Variants in TRAPPC2 observed in about 807,000 individuals in gnomAD.
The protein encoded by TRAPPC2 is trafficking protein particle complex subunit 2.
A neutral mutation model predicts 10.0 loss-of-function variants in TRAPPC2; 4 were observed. That is an observed-to-expected ratio of 0.40 (90% CI 0.20 to 0.92). TRAPPC2 has a LOEUF of 0.92. TRAPPC2 is among the 40% of genes least tolerant of loss of function. The pLI is 0.35. For missense variants in TRAPPC2, 52 were observed against 108.7 expected (o/e 0.48, Z 2.32); for synonymous variants, 36 against 37.3 (o/e 0.97, Z 0.12).
intron 2 of TRAPPC2, among the ~76,000 whole-genome samples, chrX:13,729,906 C>G (rs1330120156): frequency 1.8e-5 from 2 of 110,852 alleles, no homozygotes; most frequent in Non-Finnish European, 3.8e-5. Context: ...GAAACTTCGT[C>G]TCAAAAAACA....
At position 13,716,398 on chromosome X, in the gene TRAPPC2, G is replaced by T; in HGVS notation, c.238+136C>A. The T allele has an allele frequency of 1.0e-5, 8 of 785,539 alleles. 1 individual carries two copies. In the South Asian group the frequency reaches 1.8e-4, roughly 17 times the overall value. 64.7% of individuals were successfully genotyped at this position (785,539 alleles called of 1,213,427 possible). ...TTTCCCCCCTAAAAAAAGAAAAGTA[G>T]CCCCATAAATGGAAACTTACATTTT... On this transcript the variant is annotated intron_variant, in intron 4 of 5. Transcript: ENST00000380579.
chrX:13,720,653 G>C (rs1371609645), intron 2 of TRAPPC2: 1 of 112,158 alleles, frequency 8.9e-6, no homozygotes, highest in South Asian at 3.6e-4. Flanking sequence ...GAAAGGAAGA[G>C]TTTTGTATTC....
chrX:13,723,019 C>T (rs1031672636), intron 2 of TRAPPC2, among the ~76,000 whole-genome samples: 4 of 106,023 alleles, frequency 3.8e-5, no homozygotes, highest in South Asian at 4.3e-4. Flanking sequence ...GGTGTGAACC[C>T]GGGAGGCGGA....
chrX:13,725,394 C>T (rs988135930), intron 2 of TRAPPC2, among the ~76,000 whole-genome samples: 1 of 112,156 alleles, frequency 8.9e-6, no homozygotes, highest in Non-Finnish European at 1.9e-5. Context: ...TGGGATGAAG[C>T]TTCCAGAGGA....
chrX:13,714,449 G>A lies in TRAPPC2; in HGVS notation c.381C>T (p.Asp127=). 1 of 1,173,761 alleles carries A rather than the reference G, an allele frequency of 8.5e-7. No homozygotes were observed. Among genetic ancestry groups the A allele is most frequent in the East Asian group, 3.1e-5 (1 of 32,727 alleles). The change falls in exon 6 of 6, where the codon GAC becomes GAT. Residue 127 remains aspartate, a synonymous_variant. Transcript: ENST00000380579. ...PNSPIRSSAF[D]RKVQFLGKKH... Reference sequence around the variant, plus strand: ...TCTTCCCAAGAAACTGAACTTTTCTGTCAAATGCACTTGATCGAATAGGAG... The same window carrying A: ...TCTTCCCAAGAAACTGAACTTTTCTATCAAATGCACTTGATCGAATAGGAG...
intron 3 of TRAPPC2, among the ~76,000 whole-genome samples, chrX:13,719,164 ATAAAT>A (rs774937042): frequency 9.0e-6 from 1 of 110,873 alleles, no homozygotes; most frequent in Non-Finnish European, 1.9e-5. Flanking sequence ...CTCAAAAAGA[ATAAAT>A]AAATAAGATC....
intron 2 of TRAPPC2, among the ~76,000 whole-genome samples, chrX:13,725,795 A>G (rs1024965004): frequency 2.7e-5 from 3 of 112,281 alleles, no homozygotes; most frequent in African/African-American, 9.7e-5. Flanking sequence ...AAAGGTCGGT[A>G]ATAACAAACT....
rs1435594258 is a variant in TRAPPC2, at chrX:13,716,317, T to TA, written c.238+216dup. 12 of 556,732 alleles carry TA rather than the reference T, an allele frequency of 2.2e-5. No individual in the cohort carries two copies. In the African/African-American group the frequency reaches 2.6e-4, roughly 12 times the overall value. 45.9% of individuals were successfully genotyped at this position (556,732 alleles called of 1,213,427 possible). On this transcript the variant is annotated intron_variant, in intron 4 of 5. Coordinates refer to ENST00000380579, the MANE Select transcript of TRAPPC2 (RefSeq NM_001011658.4). Reference sequence around the variant, plus strand: ...AAAATCACCCTTGATAGGGTCCAGATAAACTCTTTTTGTGTATGAGACTTA... The same window carrying TA: ...AAAATCACCCTTGATAGGGTCCAGATAAAACTCTTTTTGTGTATGAGACTTA...
Position 13,716,517 on chromosome X carries a change from T to C in TRAPPC2, c.238+17A>G, listed in dbSNP as rs1161770074. Reference sequence around the variant, plus strand: ...CCAAACTTTAGTTAGTTACCTTTACTAAGAAGGTAAGGATATGCCCCGCAG... The same window carrying C: ...CCAAACTTTAGTTAGTTACCTTTACCAAGAAGGTAAGGATATGCCCCGCAG... On this transcript the variant is annotated intron_variant, in intron 4 of 5. Transcript: ENST00000380579. The C allele has an allele frequency of 8.3e-7, 1 of 1,209,119 alleles. No individual in the cohort carries two copies. The highest frequency in any genetic ancestry group is 1.1e-6 in the Non-Finnish European group (1 of 894,281).
chrX:13,726,350 C>G (rs1408999607), intron 2 of TRAPPC2, among the ~76,000 whole-genome samples: 1 of 111,759 alleles, frequency 8.9e-6, no homozygotes, highest in Non-Finnish European at 1.9e-5. Flanking sequence ...ATGTTAAGGG[C>G]AGCAGAGAGA....
chrX:13,729,915 C>CA (rs1249504715), intron 2 of TRAPPC2, among the ~76,000 whole-genome samples: 1 of 110,605 alleles, frequency 9.0e-6, no homozygotes, highest in Non-Finnish European at 1.9e-5. Flanking sequence ...TCTCAAAAAA[C>CA]AAAAAACAAA....
chrX:13,731,514 T>A (rs1381257123), intron 2 of TRAPPC2, among the ~76,000 whole-genome samples: 3 of 112,285 alleles, frequency 2.7e-5, no homozygotes, highest in African/African-American at 6.5e-5. Context: ...TTACGAAATA[T>A]TTTGGTATCT....
At chrX:13,722,208 C>CCAAA (rs1555898002) in intron 2 of TRAPPC2, 3 of 36,118 alleles carry the variant, frequency 8.3e-5, no homozygotes, top group Admixed American at 2.7e-4. Context: ...TAAGCAGCAG[C>CCAAA]AAAAAAAAAA....
chrX:13,721,330 C>T (rs1418143858), intron 2 of TRAPPC2: 2 of 112,205 alleles, frequency 1.8e-5, no homozygotes, highest in Admixed American at 1.9e-4. Context: ...ACTGTAGCAC[C>T]TTATGGTGCA....
At chrX:13,734,409 C>G (rs1361274192) in intron 1 of TRAPPC2, 116 bp downstream of exon 1, 1 of 266,897 alleles carries the variant, frequency 3.7e-6, no homozygotes, top group Non-Finnish European at 6.6e-6. Flanking sequence ...AGGTCCGGCC[C>G]GGCCACCCCG....
At chrX:13,717,034 T>TAAAAAAAAA (rs1175025577) in intron 3 of TRAPPC2, among the ~76,000 whole-genome samples, 6 of 37,940 alleles carry the variant, frequency 1.6e-4, no homozygotes, top group South Asian at 2.4e-3. Context: ...GATACTATGT[T>TAAAAAAAAA]AAAAAAAAAA....
intron 2 of TRAPPC2, among the ~76,000 whole-genome samples, chrX:13,731,520 T>C (rs953747683): frequency 8.9e-6 from 1 of 112,361 alleles, no homozygotes; most frequent in African/African-American, 3.2e-5. Flanking sequence ...AATATTTTGG[T>C]ATCTACCTAA....
At chrX:13,724,415 A>T (rs1317912608) in intron 2 of TRAPPC2, among the ~76,000 whole-genome samples, 19 of 109,340 alleles carry the variant, frequency 1.7e-4, no homozygotes, top group Non-Finnish European at 1.9e-4. Context: ...AAAAAAAAAA[A>T]AAAAGAGGCT....
At chrX:13,715,408 G>A (rs1363257906) in intron 5 of TRAPPC2, 1 of 112,933 alleles carries the variant, frequency 8.9e-6, no homozygotes, top group Non-Finnish European at 1.9e-5. Flanking sequence ...GGAAGGCAGA[G>A]GTTGCAGTGA....
Sources: gnomAD v4.1 joint callset for allele counts (sites outside exome capture counted in the v4.1 genomes callset) on GRCh38, gnomAD v4.1.1 for gene constraint, MANE v1.5 for transcripts, NCBI Gene and HGNC (gene_info 2026-07-23, HGNC 2026-07-21) for gene names.